Variants in TBC1D4 observed in about 807,000 individuals in gnomAD.
The protein encoded by TBC1D4 is TBC (Tre-2, BUB2, CDC16) domain-containing protein.
Under a neutral mutation model 142.5 loss-of-function variants are expected in TBC1D4, and 121 were observed. The ratio of observed to expected loss-of-function variants is 0.85; its 90% CI spans 0.73 to 0.99. The LOEUF (loss-of-function observed/expected upper bound fraction) is 0.99, where lower values mean the gene tolerates loss of function less well. Ranked by LOEUF, TBC1D4 falls within the 50% of genes least tolerant of loss-of-function variation. The probability of loss-of-function intolerance (pLI) is 0.00; values close to 1 mark genes in which losing one functional copy is unlikely to be tolerated. For synonymous variants in TBC1D4, 630 were observed against 628.2 expected, an observed-to-expected ratio of 1.00 and a Z score of -0.04; for missense variants, 1,475 against 1,606.6, an observed-to-expected ratio of 0.92 and a Z score of 1.40.
Position 75,295,098 on chromosome 13 carries a change from AT to A in TBC1D4, c.3157-86del. The stretch of plus-strand genomic sequence containing the variant: ...ACACTGATTTTAATTTTATTCTAAT[AT>A]TTAATAACAAATTCACATATATAAG... On this transcript the variant is annotated intron_variant, in intron 17 of 20. Coordinates refer to ENST00000377636, the MANE Select transcript of TBC1D4 (RefSeq NM_014832.5). The A allele has an allele frequency of 2.4e-6, 3 of 1,260,486 alleles. No individual in the cohort carries two copies. In the South Asian group the frequency reaches 4.0e-5, roughly 17 times the overall value. The allele number at this position is 1,260,486 out of a possible 1,614,324, so 78.1% of individuals were successfully genotyped here. A position where few individuals can be genotyped will look rare whatever the true frequency, so the allele number is the denominator to read the frequency against.
At chr13:75,297,108 C>T (rs1377205406) in intron 17 of TBC1D4, among the ~76,000 whole-genome samples, 2 of 152,164 alleles carry the variant, frequency 1.3e-5, no homozygotes, top group Non-Finnish European at 2.9e-5. Context: ...AGAATAAGGT[C>T]CCCAATACTG....
At position 75,399,274 on chromosome 13, in the gene TBC1D4, G is replaced by A. The variant is rs544896130; in HGVS notation, c.499-36667C>T. Reference sequence around the variant, plus strand: ...TACTGGAATGGAGGGACAACACAGAGGATGGAGCCAAAAATCACAGAAAAT... The same window carrying A: ...TACTGGAATGGAGGGACAACACAGAAGATGGAGCCAAAAATCACAGAAAAT... On this transcript the variant is annotated intron_variant, in intron 1 of 20. Transcript: ENST00000377636. Among the ~76,000 whole-genome samples, 6 of 152,154 alleles carry A rather than the reference G, an allele frequency of 3.9e-5. No homozygotes were observed. In the South Asian group the frequency reaches 1.2e-3, roughly 32 times the overall value.
intron 1 of TBC1D4, among the ~76,000 whole-genome samples, chr13:75,395,661 T>C (rs563323799): frequency 9.2e-5 from 14 of 151,976 alleles, no homozygotes; most frequent in Admixed American, 7.9e-4. Context: ...AGAAACCCTA[T>C]CTCTACTAAA....
intron 1 of TBC1D4, among the ~76,000 whole-genome samples, chr13:75,456,480 G>A (rs751827655): frequency 1.7e-4 from 25 of 150,650 alleles, no homozygotes; most frequent in Non-Finnish European, 2.8e-4. Flanking sequence ...TTTTTTAATG[G>A]GCAAAAGATC....
At chr13:75,337,477 T>C (rs556137176) in intron 7 of TBC1D4, among the ~76,000 whole-genome samples, 1 of 152,266 alleles carries the variant, frequency 6.6e-6, no homozygotes, top group Non-Finnish European at 1.5e-5. Context: ...GTAATGCCTC[T>C]GTTATAATTC....
intron 15 of TBC1D4, chr13:75,302,769 G>A (rs1298802774): frequency 3.6e-6 from 1 of 277,724 alleles, no homozygotes; most frequent in Non-Finnish European, 7.0e-6. Context: ...TAGACAGAAA[G>A]CTGAGGCAGA....
At chr13:75,407,820 G>A (rs564730031) in intron 1 of TBC1D4, among the ~76,000 whole-genome samples, 1 of 151,114 alleles carries the variant, frequency 6.6e-6, no homozygotes, top group South Asian at 2.1e-4. Flanking sequence ...TCACATCTAA[G>A]ACAGGAACTC....
chr13:75,344,266 C>T (rs1450551762), intron 5 of TBC1D4, among the ~76,000 whole-genome samples: 1 of 151,916 alleles, frequency 6.6e-6, no homozygotes, highest in African/African-American at 2.4e-5. Flanking sequence ...ACTCAAGTGA[C>T]TAACATGGAA....
At chr13:75,290,834 T>G (rs1368123596) in intron 19 of TBC1D4, among the ~76,000 whole-genome samples, 1 of 152,324 alleles carries the variant, frequency 6.6e-6, no homozygotes, top group African/African-American at 2.4e-5. Context: ...AGGTTGAGAC[T>G]CAGAGAGGTT....
intron 4 of TBC1D4, among the ~76,000 whole-genome samples, chr13:75,354,820 C>T (rs974660423): frequency 7.9e-5 from 12 of 152,108 alleles, no homozygotes; most frequent in South Asian, 6.2e-4. Context: ...TTTCTTCCCC[C>T]GGGTGTTTAT....
At chr13:75,409,933 T>A in intron 1 of TBC1D4, among the ~76,000 whole-genome samples, 1 of 152,328 alleles carries the variant, frequency 6.6e-6, no homozygotes, top group Non-Finnish European at 1.5e-5. Context: ...TTCTTTCAAA[T>A]ATTCTGACCC....
intron 1 of TBC1D4, among the ~76,000 whole-genome samples, chr13:75,450,901 T>C (rs541388536): frequency 6.6e-6 from 1 of 152,208 alleles, no homozygotes; most frequent in African/African-American, 2.4e-5. Flanking sequence ...CTATCAAGTG[T>C]AGTTTGAGGG....
chr13:75,312,257 T>C (rs1877825785), intron 13 of TBC1D4, among the ~76,000 whole-genome samples: 2 of 151,990 alleles, frequency 1.3e-5, no homozygotes, highest in South Asian at 4.2e-4. Flanking sequence ...GTTTTATGTG[T>C]GGCTCTTATA....
intron 1 of TBC1D4, among the ~76,000 whole-genome samples, chr13:75,408,037 A>G (rs1885424524): frequency 6.6e-6 from 1 of 152,182 alleles, no homozygotes; most frequent in South Asian, 2.1e-4. Flanking sequence ...GCATATTTAC[A>G]AAGTTGTGTG....
chr13:75,427,268 T>C (rs1188853257), intron 1 of TBC1D4, among the ~76,000 whole-genome samples: 1 of 152,130 alleles, frequency 6.6e-6, no homozygotes, highest in Non-Finnish European at 1.5e-5. Context: ...TTTGTATTTT[T>C]AGTAGAGACG....
chr13:75,411,282 T>C (rs1433269504), intron 1 of TBC1D4, among the ~76,000 whole-genome samples: 1 of 152,170 alleles, frequency 6.6e-6, no homozygotes, highest in Non-Finnish European at 1.5e-5. Flanking sequence ...ATAGAACTAG[T>C]TACCACTTAG....
chr13:75,341,103 G>A (rs1473437113), intron 7 of TBC1D4, 22 bp downstream of exon 7: 1 of 1,573,864 alleles, frequency 6.4e-7, no homozygotes, highest in Non-Finnish European at 8.7e-7. Context: ...AAAAGTAGGT[G>A]AAGTAGGAAA....
intron 1 of TBC1D4, among the ~76,000 whole-genome samples, chr13:75,369,631 T>C (rs1427000026): frequency 6.6e-6 from 1 of 152,200 alleles, no homozygotes. Flanking sequence ...GTCCAGTATC[T>C]ATGTTTATCT....
chr13:75,302,117 G>T, intron 16 of TBC1D4, 126 bp downstream of exon 16: 1 of 1,184,046 alleles, frequency 8.4e-7, no homozygotes, highest in Non-Finnish European at 1.2e-6. Context: ...AAAGGACAAA[G>T]TCAACGGCTC....
Sources: allele counts gnomAD v4.1 joint callset (sites outside exome capture counted in the v4.1 genomes callset), GRCh38; gene constraint gnomAD v4.1.1; transcripts MANE v1.5; gene names NCBI Gene and HGNC (gene_info 2026-07-23, HGNC 2026-07-21).